The following ANK2 variants were observed in gnomAD, a reference collection of about 807,000 sequenced individuals.
ANK2 encodes ankyrin-2.
ANK2 carries 83 observed loss-of-function variants against 360.5 expected under a neutral mutation model. The observed-to-expected ratio is 0.23, with a 90% confidence interval of 0.19 to 0.28. The LOEUF is 0.28. ANK2 is among the 10% of genes least tolerant of loss of function. The pLI is 1.00. For missense variants in ANK2, 4,201 were observed against 4,795.7 expected (o/e 0.88, Z 3.66); for synonymous variants, 1,740 against 1,759.5 (o/e 0.99, Z 0.28).
chr4:112,769,857 C>G, the ANK2 span, among the ~76,000 whole-genome samples: 1 of 152,134 alleles, frequency 6.6e-6, no homozygotes, highest in African/African-American at 2.4e-5. Flanking sequence ...GCCGGGACAT[C>G]AGTTGTCTTC....
the ANK2 span, among the ~76,000 whole-genome samples, chr4:112,772,137 C>A: frequency 1.3e-5 from 2 of 152,078 alleles, no homozygotes; most frequent in Non-Finnish European, 2.9e-5. Flanking sequence ...AAGACATACC[C>A]GAGACTGGGT....
chr4:112,747,281 T>A, the ANK2 span, among the ~76,000 whole-genome samples: 1 of 152,184 alleles, frequency 6.6e-6, no homozygotes, highest in Admixed American at 6.5e-5. Flanking sequence ...GTGGCACTAA[T>A]AAGGAACAAA....
At chr4:112,769,603 A>G in the ANK2 span, among the ~76,000 whole-genome samples, 1 of 152,188 alleles carries the variant, frequency 6.6e-6, no homozygotes, top group Admixed American at 6.5e-5. Flanking sequence ...GAATTTAACC[A>G]TCACTCTTGT....
intron 2 of ANK2, among the ~76,000 whole-genome samples, chr4:113,018,711 C>T (rs887942118): frequency 2.0e-5 from 3 of 152,214 alleles, no homozygotes; most frequent in Non-Finnish European, 4.4e-5. Context: ...CTAGGTTGTT[C>T]TTGATCATGC....
chr4:112,861,306 G>C (rs2067944644), intron 1 of ANK2, among the ~76,000 whole-genome samples: 1 of 152,138 alleles, frequency 6.6e-6, no homozygotes, highest in Admixed American at 6.5e-5. Context: ...TACTTCCTGG[G>C]TTGGAATTCC....
At chr4:113,214,225 T>G in intron 4 of ANK2, 2 of 1,018,770 alleles carry the variant, frequency 2.0e-6, no homozygotes, top group Non-Finnish European at 3.0e-6. Flanking sequence ...TCGAAGACGC[T>G]CGCTTCAGAA....
At chr4:113,345,582 AGG>A (rs1222115432) in intron 34 of ANK2, among the ~76,000 whole-genome samples, 5 of 152,200 alleles carry the variant, frequency 3.3e-5, no homozygotes, top group African/African-American at 1.2e-4. Context: ...ACCACAAAAA[AGG>A]GGGATGAGGT....
chr4:112,838,616 C>G (rs990556668), intron 1 of ANK2, among the ~76,000 whole-genome samples: 5 of 152,208 alleles, frequency 3.3e-5, no homozygotes, highest in African/African-American at 1.2e-4. Flanking sequence ...GCCTGTAATC[C>G]CAGCACTTTG....
At chr4:113,048,320 C>A, upstream of ANK2, among the ~76,000 whole-genome samples, 1 of 97,622 alleles carries the variant, frequency 1.0e-5, no homozygotes, top group East Asian at 3.3e-4. Context: ...AAGGCGGAGT[C>A]TTGCTCTGTC....
At chr4:112,868,933 T>C (rs963033565) in intron 1 of ANK2, among the ~76,000 whole-genome samples, 2 of 152,092 alleles carry the variant, frequency 1.3e-5, no homozygotes, top group Admixed American at 6.5e-5. Flanking sequence ...TTTTATCCCA[T>C]TCTAAGAGTT....
intron 2 of ANK2, among the ~76,000 whole-genome samples, chr4:112,945,909 C>T (rs1271736205): frequency 6.6e-6 from 1 of 152,102 alleles, no homozygotes; most frequent in Non-Finnish European, 1.5e-5. Flanking sequence ...TACTCTGCTA[C>T]CTTGCAACAA....
At chr4:112,986,848 T>C (rs2045054920) in intron 2 of ANK2, among the ~76,000 whole-genome samples, 2 of 152,194 alleles carry the variant, frequency 1.3e-5, no homozygotes, top group Non-Finnish European at 2.9e-5. Context: ...TGTTCCACCT[T>C]CTATGTTCAC....
intron 45 of ANK2, chr4:113,374,772 G>C (rs1428441930): frequency 1.8e-6 from 2 of 1,125,494 alleles, no homozygotes; most frequent in Non-Finnish European, 2.2e-6. Context: ...AGGTCACTTT[G>C]TGTGAGCCCA....
intron 15 of ANK2, among the ~76,000 whole-genome samples, chr4:113,276,342 A>G (rs2060251953): frequency 1.3e-5 from 2 of 152,216 alleles, no homozygotes; most frequent in Non-Finnish European, 2.9e-5. Flanking sequence ...TGAGATTAAC[A>G]TAAAGGAAGA....
intron 1 of ANK2, among the ~76,000 whole-genome samples, chr4:113,159,778 T>TG (rs575296053): frequency 6.6e-6 from 1 of 150,594 alleles, no homozygotes. Flanking sequence ...CGGCTAATTT[T>TG]TATATATATA....
chr4:112,739,142 C>T, the ANK2 span: 30 of 392,418 alleles, frequency 7.6e-5, no homozygotes, highest in African/African-American at 2.7e-4. Flanking sequence ...TAAATAAAAC[C>T]GTAAAAACTG....
intron 13 of ANK2, among the ~76,000 whole-genome samples, chr4:113,259,578 T>C (rs1678502988): frequency 6.6e-6 from 1 of 152,138 alleles, no homozygotes; most frequent in Admixed American, 6.5e-5. Context: ...TGTTATTCAG[T>C]AATTGGAGCA....
At chr4:113,369,867 C>T (rs2096666386) in intron 43 of ANK2, 62 bp downstream of exon 43, 1 of 1,607,116 alleles carries the variant, frequency 6.2e-7, no homozygotes, top group Admixed American at 1.7e-5. Flanking sequence ...TTCCAGTTTC[C>T]ATTTCTATGA....
intron 2 of ANK2, among the ~76,000 whole-genome samples, chr4:113,015,052 A>T (rs1324793382): frequency 1.3e-5 from 2 of 151,180 alleles, no homozygotes; most frequent in Non-Finnish European, 3.0e-5. Flanking sequence ...TAGAGGCGGG[A>T]TTTCACTGTG....
Sources: gnomAD v4.1 joint callset for allele counts (sites outside exome capture counted in the v4.1 genomes callset) on GRCh38, gnomAD v4.1.1 for gene constraint, MANE v1.5 for transcripts, NCBI Gene and HGNC (gene_info 2026-07-23, HGNC 2026-07-21) for gene names.